Variants in RNMT observed in about 807,000 individuals in gnomAD.
RNMT encodes the protein RNA guanine-7 methyltransferase, also known as mRNA cap guanine-N(7) methyltransferase.
A neutral mutation model predicts 56.0 loss-of-function variants in RNMT; 27 were observed. The ratio of observed to expected loss-of-function variants is 0.48; its 90% CI spans 0.36 to 0.67. The LOEUF (loss-of-function observed/expected upper bound fraction) is 0.67. Ranked by LOEUF, RNMT falls within the 30% of genes least tolerant of loss-of-function variation. The probability of loss-of-function intolerance (pLI) is 0.00; values close to 1 mark genes in which losing one functional copy is unlikely to be tolerated. For synonymous variants in RNMT, 184 were observed against 176.2 expected (o/e 1.04, Z -0.35); for missense variants, 519 against 552.1 (o/e 0.94, Z 0.60).
intron 9 of RNMT, among the ~76,000 whole-genome samples, chr18:13,751,549 G>T (rs1367564012): frequency 6.6e-6 from 1 of 152,222 alleles, no homozygotes; most frequent in Non-Finnish European, 1.5e-5. Context: ...CATTGTGGAA[G>T]ACAATGTGGC....
At chr18:13,754,284 AT>A (rs1178661752) in intron 11 of RNMT, 137 bp downstream of exon 11, 1 of 544,860 alleles carries the variant, frequency 1.8e-6, no homozygotes, top group Admixed American at 3.5e-5. Context: ...AGACAGACAG[AT>A]TCCTCGAGCC....
chr18:13,741,120 C>G (rs945899236), intron 6 of RNMT, among the ~76,000 whole-genome samples: 5 of 152,218 alleles, frequency 3.3e-5, no homozygotes, highest in Non-Finnish European at 5.9e-5. Context: ...TGGGAGTATA[C>G]TGCCAGAAAG....
At chr18:13,749,880 C>A (rs188053259) in intron 9 of RNMT, among the ~76,000 whole-genome samples, 2 of 151,252 alleles carry the variant, frequency 1.3e-5, no homozygotes, top group Admixed American at 1.3e-4. Flanking sequence ...TCACCTCCCC[C>A]TTCTGAGTAG....
chr18:13,733,137 T>C (rs763164673), intron 3 of RNMT, among the ~76,000 whole-genome samples: 1 of 152,082 alleles, frequency 6.6e-6, no homozygotes, highest in Non-Finnish European at 1.5e-5. Flanking sequence ...AATCTTACAC[T>C]TAAACCTGTT....
chr18:13,744,159 C>CTTGTTTTTTTTTTTTTTT (rs2044308314), intron 8 of RNMT, among the ~76,000 whole-genome samples: 1 of 91,398 alleles, frequency 1.1e-5, no homozygotes, highest in Non-Finnish European at 2.2e-5. Context: ...TAGCGGTCTT[C>CTTGTTTTTTTTTTTTTTT]TTTTTTTTTT....
chr18:13,754,788 CTT>C (rs1438291525), intron 11 of RNMT, among the ~76,000 whole-genome samples: 1 of 152,030 alleles, frequency 6.6e-6, no homozygotes, highest in Non-Finnish European at 1.5e-5. Context: ...ACTTGCATGT[CTT>C]TTTTTTATTT....
intron 7 of RNMT, among the ~76,000 whole-genome samples, chr18:13,741,952 A>C (rs143006632): frequency 6.6e-6 from 1 of 152,352 alleles, no homozygotes; most frequent in Admixed American, 6.5e-5. Flanking sequence ...ACAGGCACAG[A>C]GATGAACCAG....
In RNMT at chr18:13,760,009, T is replaced by C. The variant is rs76766210; in HGVS notation, c.*30T>C. Reference sequence around the variant, plus strand: ...ATAGGCAGTAGTCCCAGAGGGGCCGTGTTCTGTCCTGCACAAATTTGAACA... The same window carrying C: ...ATAGGCAGTAGTCCCAGAGGGGCCGCGTTCTGTCCTGCACAAATTTGAACA... On this transcript the variant is annotated 3_prime_UTR_variant, in exon 12 of 12. Coordinates refer to ENST00000383314, the MANE Select transcript of RNMT (RefSeq NM_003799.3). The C allele has an allele frequency of 1.8e-4, 298 of 1,611,648 alleles. No individual in the cohort carries two copies. In the African/African-American group the frequency reaches 3.4e-3, roughly 18 times the overall value.
intron 1 of RNMT, among the ~76,000 whole-genome samples, chr18:13,727,704 G>A (rs542946980): frequency 4.5e-4 from 68 of 152,106 alleles, no homozygotes; most frequent in Non-Finnish European, 8.4e-4. Context: ...TTTCTTCTGG[G>A]GTTTTTTGTA....
At chr18:13,753,642 G>T (rs942866650) in intron 10 of RNMT, among the ~76,000 whole-genome samples, 2 of 151,156 alleles carry the variant, frequency 1.3e-5, no homozygotes, top group African/African-American at 4.9e-5. Flanking sequence ...GTGGTGGCGG[G>T]CACCTGTAGT....
chr18:13,728,330 TTGTG>T lies in RNMT; in HGVS notation c.-172+1624_-172+1627del, dbSNP rs1212860122. Among the ~76,000 whole-genome samples, 25 of 21,460 alleles carry T rather than the reference TTGTG, an allele frequency of 1.2e-3. 1 individual carries two copies. Among genetic ancestry groups the T allele is most frequent in the African/African-American group, 5.3e-3 (20 of 3,748 alleles). The allele number at this position is 21,460 out of a possible 152,430, so 14.1% of individuals were successfully genotyped here. A position where few individuals can be genotyped will look rare whatever the true frequency, so the allele number is the denominator to read the frequency against. On this transcript the variant is annotated intron_variant, in intron 1 of 11. Coordinates refer to ENST00000383314, the MANE Select transcript of RNMT (RefSeq NM_003799.3). ...TTTTTTTTTTTTTTTTTTTTTTTTT[TTGTG>T]TGTGTGTGTGTGTGTGTGTGTGACG...
rs1430137245 is a variant in RNMT at position 13,761,190 on chromosome 18, T to C, written c.*1211T>C. On this transcript the variant is annotated 3_prime_UTR_variant, in exon 12 of 12. Coordinates refer to ENST00000383314, the MANE Select transcript of RNMT (RefSeq NM_003799.3). ...TTCATGGTGTTAGAGTTGCAAACTT[T>C]TTAGCAAGAAAATATGGATTTCCTC... 34 of 985,364 alleles carry C rather than the reference T, an allele frequency of 3.5e-5. No individual in the cohort carries two copies. Among genetic ancestry groups the C allele is most frequent in the African/African-American group, 1.4e-4 (8 of 57,260 alleles). 61.0% of individuals were successfully genotyped at this position (985,364 alleles called of 1,614,324 possible).
Position 13,762,020 on chromosome 18 carries a change from T to C in RNMT, c.*2041T>C. The C allele has an allele frequency of 3.3e-6, 5 of 1,536,094 alleles. No homozygotes were observed. The highest frequency in any genetic ancestry group is 4.4e-6 in the Non-Finnish European group (5 of 1,146,862). ...TCCTTGACACACCTTGTCGTCTAAA[T>C]GTTCGGTATTCTATTCAGGACTTAC... On this transcript the variant is annotated 3_prime_UTR_variant, in exon 12 of 12. Coordinates refer to ENST00000383314, the MANE Select transcript of RNMT (RefSeq NM_003799.3).
intron 5 of RNMT, among the ~76,000 whole-genome samples, chr18:13,739,369 C>T (rs1473463542): frequency 6.6e-6 from 1 of 152,194 alleles, no homozygotes; most frequent in Non-Finnish European, 1.5e-5. Context: ...TTTTCTCCCC[C>T]TGCATATTGT....
Position 13,762,303 on chromosome 18 carries a change from T to G in RNMT, c.*2324T>G. 2 of 981,770 alleles carry G rather than the reference T, an allele frequency of 2.0e-6. No homozygotes were observed. The highest frequency in any genetic ancestry group is 3.4e-5 in the South Asian group (2 of 58,414). 60.8% of individuals were successfully genotyped at this position (981,770 alleles called of 1,614,324 possible). A position where few individuals can be genotyped will look rare whatever the true frequency, so the allele number is the denominator to read the frequency against. On this transcript the variant is annotated 3_prime_UTR_variant, in exon 12 of 12. Transcript: ENST00000383314. ...GAATTCTTTGGGCCTAGAATATACT[T>G]GAGAAAGCACTAGTGGCTTGTGTTC...
At chr18:13,743,936 A>G (rs1223954098) in intron 8 of RNMT, among the ~76,000 whole-genome samples, 1 of 152,022 alleles carries the variant, frequency 6.6e-6, no homozygotes, top group Admixed American at 6.6e-5. Flanking sequence ...CAAAATTTAA[A>G]AATATCAATT....
chr18:13,754,111 T>G lies in RNMT; in HGVS notation c.1360-3T>G. On this transcript the variant is annotated splice_region_variant and splice_polypyrimidine_tract_variant and intron_variant, in intron 10 of 11. Transcript: ENST00000383314. ...ATTTTCTTTTTCTCTTTTGTAATTT[T>G]AGGGAACCTTAAGTAAATCAGAATG... 1 of 1,532,220 alleles carries G rather than the reference T, an allele frequency of 6.5e-7. No individual in the cohort carries two copies. Among genetic ancestry groups the G allele is most frequent in the South Asian group, 1.1e-5 (1 of 88,776 alleles). The allele number at this position is 1,532,220 out of a possible 1,614,324, so 94.9% of individuals were successfully genotyped here. A position where few individuals can be genotyped will look rare whatever the true frequency, so the allele number is the denominator to read the frequency against.
At chr18:13,729,503 G>A (rs191035126) in intron 1 of RNMT, among the ~76,000 whole-genome samples, 2 of 152,262 alleles carry the variant, frequency 1.3e-5, no homozygotes, top group East Asian at 3.9e-4. Flanking sequence ...GGAGAAATAG[G>A]AATTTGATAA....
At chr18:13,744,374 A>G (rs992133648) in intron 8 of RNMT, among the ~76,000 whole-genome samples, 4 of 152,052 alleles carry the variant, frequency 2.6e-5, no homozygotes, top group African/African-American at 9.7e-5. Context: ...AACTTATTCA[A>G]ATTGGGCCTC....
Sources: allele counts gnomAD v4.1 joint callset (sites outside exome capture counted in the v4.1 genomes callset), GRCh38; gene constraint gnomAD v4.1.1; transcripts MANE v1.5; gene names NCBI Gene and HGNC (gene_info 2026-07-23, HGNC 2026-07-21).